GSTA4: variants seen among roughly 807,000 people sequenced by gnomAD.
GSTA4 encodes the protein glutathione S-transferase A4.
GSTA4 carries 15 observed loss-of-function variants against 24.4 expected under a neutral mutation model. The ratio of observed to expected loss-of-function variants is 0.61; its 90% CI spans 0.41 to 0.95. GSTA4 has a LOEUF of 0.95. GSTA4 is among the 40% of genes least tolerant of loss of function. GSTA4 has a pLI of 0.00. For missense variants in GSTA4, 244 were observed against 262.1 expected (o/e 0.93, Z 0.48); for synonymous variants, 92 against 94.2 (o/e 0.98, Z 0.13).
intron 5 of GSTA4, among the ~76,000 whole-genome samples, 163 bp downstream of exon 5, chr6:52,984,293 GACACCAGC>G (rs1763508369): frequency 6.6e-6 from 1 of 152,210 alleles, no homozygotes; most frequent in African/African-American, 2.4e-5. Flanking sequence ...GGGGCTCTAA[GACACCAGC>G]TTTGTGCTGT....
At chr6:52,993,224 G>A (rs1224372489) in intron 2 of GSTA4, among the ~76,000 whole-genome samples, 3 of 152,178 alleles carry the variant, frequency 2.0e-5, no homozygotes, top group East Asian at 1.9e-4. Context: ...TTATCATTAA[G>A]GGAGACTGAA....
chr6:52,984,697 T>C, intron 4 of GSTA4, 92 bp from the exon 5 acceptor site: 1 of 1,154,958 alleles, frequency 8.7e-7, no homozygotes, highest in Non-Finnish European at 1.3e-6. Flanking sequence ...TTTTTTTTTT[T>C]TTAAAGATGC....
intron 2 of GSTA4, among the ~76,000 whole-genome samples, chr6:52,989,590 G>A (rs1335794318): frequency 1.3e-5 from 2 of 152,216 alleles, no homozygotes; most frequent in Non-Finnish European, 2.9e-5. Flanking sequence ...CTTGGCTTCT[G>A]CTACTTGCCA....
intron 2 of GSTA4, 106 bp from the exon 3 acceptor site, chr6:52,987,514 A>C: frequency 1.5e-6 from 1 of 655,496 alleles, no homozygotes; most frequent in South Asian, 1.8e-5. Flanking sequence ...AACAGAGGTC[A>C]TTACGTTAAG....
At chr6:52,994,816 C>T (rs1408890031) in intron 1 of GSTA4, among the ~76,000 whole-genome samples, 1 of 152,184 alleles carries the variant, frequency 6.6e-6, no homozygotes, top group Non-Finnish European at 1.5e-5. Flanking sequence ...TCCCGCGTGT[C>T]CACCACCCCT....
Position 52,978,056 on chromosome 6 carries a change from T to A in GSTA4, c.*414A>T, listed in dbSNP as rs1239242486. The A allele has an allele frequency of 6.2e-6, 1 of 160,538 alleles. No individual in the cohort carries two copies. The highest frequency in any genetic ancestry group is 1.3e-5 in the Non-Finnish European group (1 of 74,352). 9.9% of individuals were successfully genotyped at this position (160,538 alleles called of 1,614,324 possible). On this transcript the variant is annotated 3_prime_UTR_variant, in exon 7 of 7. Transcript: ENST00000370963. ...GAGTCATTTACTAGACATTCGGTTG[T>A]TATTAAACACTAAAAATTAGGCAGA...
At chr6:52,983,088 G>A (rs1326465767) in intron 5 of GSTA4, among the ~76,000 whole-genome samples, 1 of 152,180 alleles carries the variant, frequency 6.6e-6, no homozygotes, top group African/African-American at 2.4e-5. Context: ...CATGCAGGAG[G>A]CTTGGGGAGG....
At chr6:52,986,789 G>A (rs755679358) in intron 3 of GSTA4, among the ~76,000 whole-genome samples, 15 of 152,248 alleles carry the variant, frequency 9.9e-5, no homozygotes, top group Non-Finnish European at 2.1e-4. Flanking sequence ...TGTTGGCTGG[G>A]AGGGAGGCTG....
chr6:52,994,723 C>A (rs2127389365), intron 1 of GSTA4, among the ~76,000 whole-genome samples: 1 of 152,330 alleles, frequency 6.6e-6, no homozygotes, highest in African/African-American at 2.4e-5. Flanking sequence ...ATCACGGCAA[C>A]TGGAAGGTGA....
Position 52,994,149 on chromosome 6 carries a change from TA to T in GSTA4, c.87+7del. On this transcript the variant is annotated splice_region_variant and intron_variant, in intron 2 of 6. Coordinates refer to ENST00000370963, the MANE Select transcript of GSTA4 (RefSeq NM_001512.4). ...GACAAATCCGTGAAGAAACAGCATATAAGGTACCTCGACTCCGGCGGCAGCT... is the reference window on the plus strand; with the variant it reads ...GACAAATCCGTGAAGAAACAGCATATAGGTACCTCGACTCCGGCGGCAGCT... The T allele has an allele frequency of 6.3e-7, 1 of 1,576,604 alleles. No homozygotes were observed.
At chr6:52,989,695 C>A (rs368024860) in intron 2 of GSTA4, among the ~76,000 whole-genome samples, 10 of 152,034 alleles carry the variant, frequency 6.6e-5, no homozygotes, top group African/African-American at 2.2e-4. Context: ...CAACAATGCT[C>A]GAAGCCTAGA....
At chr6:52,984,768 G>A (rs534396386) in intron 4 of GSTA4, among the ~76,000 whole-genome samples, 163 bp from the exon 5 acceptor site, 1 of 151,582 alleles carries the variant, frequency 6.6e-6, no homozygotes, top group East Asian at 1.9e-4. Context: ...AAGATATAAG[G>A]TCAATTCTAG....
intron 3 of GSTA4, among the ~76,000 whole-genome samples, chr6:52,986,944 T>C (rs1763572733): frequency 6.6e-6 from 1 of 152,150 alleles, no homozygotes; most frequent in South Asian, 2.1e-4. Flanking sequence ...TAGTATTTAC[T>C]TCAGAAAGTA....
chr6:52,993,245 T>C (rs1306635190), intron 2 of GSTA4, among the ~76,000 whole-genome samples: 1 of 152,254 alleles, frequency 6.6e-6, no homozygotes, highest in Non-Finnish European at 1.5e-5. Context: ...TGAGGGACTG[T>C]ATTATTTTAC....
intron 3 of GSTA4, among the ~76,000 whole-genome samples, chr6:52,986,957 C>A (rs1005474784): frequency 6.6e-6 from 1 of 152,074 alleles, no homozygotes. Flanking sequence ...AGAAAGTACC[C>A]CATGTAAATG....
intron 5 of GSTA4, among the ~76,000 whole-genome samples, chr6:52,983,050 C>T (rs1243747172): frequency 6.6e-6 from 1 of 152,150 alleles, no homozygotes; most frequent in Non-Finnish European, 1.5e-5. Flanking sequence ...AAGGATATAT[C>T]TACTCCAAAA....
chr6:52,982,281 G>T (rs756805362), intron 6 of GSTA4, among the ~76,000 whole-genome samples: 7 of 152,032 alleles, frequency 4.6e-5, no homozygotes, highest in Non-Finnish European at 2.9e-5. Flanking sequence ...CTACTCAGGA[G>T]ACTGAGGTGG....
chr6:52,991,823 T>C (rs1763667335), intron 2 of GSTA4, among the ~76,000 whole-genome samples: 1 of 146,014 alleles, frequency 6.8e-6, no homozygotes. Context: ...AGTGGGGCAA[T>C]CTCGGCTCAC....
chr6:52,979,006 CA>C (rs1763399438), intron 6 of GSTA4, among the ~76,000 whole-genome samples: 1 of 151,756 alleles, frequency 6.6e-6, no homozygotes, highest in Non-Finnish European at 1.5e-5. Context: ...AGAGTTTACA[CA>C]AATCTCCAGG....
Sources: allele counts gnomAD v4.1 joint callset (sites outside exome capture counted in the v4.1 genomes callset), GRCh38; gene constraint gnomAD v4.1.1; transcripts MANE v1.5; gene names NCBI Gene and HGNC (gene_info 2026-07-23, HGNC 2026-07-21).